LZTFL1: variants seen among roughly 807,000 people sequenced by gnomAD.
The protein encoded by LZTFL1 is leucine zipper transcription factor-like protein 1.
Under a neutral mutation model 45.9 loss-of-function variants are expected in LZTFL1, and 25 were observed. The ratio of observed to expected loss-of-function variants is 0.54; its 90% CI spans 0.40 to 0.76. The LOEUF (loss-of-function observed/expected upper bound fraction) is 0.76. Ranked by LOEUF, LZTFL1 falls within the 30% of genes least tolerant of loss-of-function variation. The pLI is 0.00. For synonymous variants in LZTFL1, 93 were observed against 117.4 expected (o/e 0.79, Z 1.35); for missense variants, 277 against 331.1 (o/e 0.84, Z 1.27).
chr3:45,877,727 T>G (rs1410711137), intron 2 of LZTFL1, among the ~76,000 whole-genome samples: 1 of 151,602 alleles, frequency 6.6e-6, no homozygotes, highest in Non-Finnish European at 1.5e-5. Flanking sequence ...AAGCATAATT[T>G]ATTTCATTTA....
At chr3:45,906,936 T>C (rs544753035) in intron 2 of LZTFL1, among the ~76,000 whole-genome samples, 2 of 152,210 alleles carry the variant, frequency 1.3e-5, no homozygotes, top group Non-Finnish European at 2.9e-5. Flanking sequence ...ATAAATTTCC[T>C]GGGCCTGGTA....
At chr3:45,863,373 A>G (rs1701524540) in intron 2 of LZTFL1, among the ~76,000 whole-genome samples, 3 of 152,266 alleles carry the variant, frequency 2.0e-5, no homozygotes, top group South Asian at 2.1e-4. Context: ...AGGACTATCA[A>G]CCTGTGCTTG....
chr3:45,868,597 G>A (rs1350000035), intron 2 of LZTFL1, among the ~76,000 whole-genome samples: 1 of 152,190 alleles, frequency 6.6e-6, no homozygotes, highest in East Asian at 1.9e-4. Context: ...TCATTTTATA[G>A]TTAAGAAAAG....
intron 2 of LZTFL1, among the ~76,000 whole-genome samples, chr3:45,884,571 C>T (rs77039149): frequency 8.7e-4 from 133 of 152,280 alleles, no homozygotes; most frequent in African/African-American, 2.9e-3. Flanking sequence ...ACCCCTTCTC[C>T]TCTTCCCTGA....
exon 4 of LZTFL1, chr3:45,855,017 T>C (rs1201116501): frequency 1.3e-6 from 2 of 1,535,488 alleles, no homozygotes; most frequent in Non-Finnish European, 1.7e-6. Flanking sequence ...GCCCAGCTTC[T>C]TGGAAAAGTC....
At chr3:45,851,496 A>G (rs896692325) in intron 4 of LZTFL1, among the ~76,000 whole-genome samples, 2 of 151,820 alleles carry the variant, frequency 1.3e-5, no homozygotes, top group African/African-American at 4.8e-5. Flanking sequence ...AAGTGCTGGG[A>G]TTAGAAGAGT....
chr3:45,912,087 G>T (rs1342497571), intron 2 of LZTFL1, among the ~76,000 whole-genome samples: 1 of 152,210 alleles, frequency 6.6e-6, no homozygotes, highest in Admixed American at 6.5e-5. Context: ...AATAGTGTTC[G>T]TCACATAGTC....
At chr3:45,897,954 A>T (rs1338544231) in intron 2 of LZTFL1, among the ~76,000 whole-genome samples, 2 of 135,540 alleles carry the variant, frequency 1.5e-5, no homozygotes, top group Non-Finnish European at 3.1e-5. Flanking sequence ...CTCATGTGAG[A>T]GTCTATTAAA....
chr3:45,856,026 G>C (rs1457988823), intron 3 of LZTFL1, among the ~76,000 whole-genome samples: 2 of 152,010 alleles, frequency 1.3e-5, no homozygotes, highest in Non-Finnish European at 2.9e-5. Context: ...CAATTGACAT[G>C]CTTCACAGAA....
At chr3:45,830,655 A>T (rs1208824306) in intron 7 of LZTFL1, among the ~76,000 whole-genome samples, 2 of 151,850 alleles carry the variant, frequency 1.3e-5, no homozygotes, top group Middle Eastern at 6.8e-3. Context: ...AAATGTGAGA[A>T]TATCTTGCAT....
chr3:45,913,229 T>A, intron 1 of LZTFL1: 1 of 1,298,720 alleles, frequency 7.7e-7, no homozygotes, highest in Non-Finnish European at 1.1e-6. Context: ...TTGTTACTAT[T>A]AACAAACCAG....
At position 45,890,306 on chromosome 3, in the gene LZTFL1, TATATATATATTTATATAA is replaced by T. The variant is rs1702122798; in HGVS notation, c.-215+22796_-215+22813del. On this transcript the variant is annotated intron_variant, in intron 2 of 4. Transcript: ENST00000472635. ...TATTTATATAAATATATATATAACA[TATATATATATTTATATAA>T]ATATATATATAACATATATATATAA... Among the ~76,000 whole-genome samples the T allele has an allele frequency of 1.3e-4, 2 of 15,468 alleles. 1 individual carries two copies. The highest frequency in any genetic ancestry group is 2.0e-4 in the Non-Finnish European group (2 of 10,234). The allele number at this position is 15,468 out of a possible 152,430, so 10.1% of individuals were successfully genotyped here.
chr3:45,847,173 C>T (rs1440053614), intron 4 of LZTFL1, among the ~76,000 whole-genome samples: 3 of 152,210 alleles, frequency 2.0e-5, no homozygotes, highest in Non-Finnish European at 4.4e-5. Context: ...CCTTGAAACC[C>T]TTTGCCCCTG....
intron 2 of LZTFL1, among the ~76,000 whole-genome samples, chr3:45,907,288 G>A (rs1184479856): frequency 6.6e-6 from 1 of 152,194 alleles, no homozygotes; most frequent in Non-Finnish European, 1.5e-5. Context: ...CACCCTCCAG[G>A]CTTTCCTGAA....
Position 45,891,995 on chromosome 3 carries a change from A to G in LZTFL1, c.-215+21125T>C, listed in dbSNP as rs888789491. On this transcript the variant is annotated intron_variant, in intron 2 of 4. Transcript: ENST00000472635. Reference sequence around the variant, plus strand: ...TTGGTGGTATGGGGTTTGAAGACCAACTTAGCTGGTCTTCAAATCCAACAC... The same window carrying G: ...TTGGTGGTATGGGGTTTGAAGACCAGCTTAGCTGGTCTTCAAATCCAACAC... Among the ~76,000 whole-genome samples the G allele has an allele frequency of 3.3e-5, 5 of 152,144 alleles. No homozygotes were observed. The South Asian group carries it at 6.2e-4, about 19-fold the overall frequency.
chr3:45,848,685 G>C (rs548958663), intron 4 of LZTFL1, among the ~76,000 whole-genome samples: 1 of 152,226 alleles, frequency 6.6e-6, no homozygotes, highest in East Asian at 1.9e-4. Flanking sequence ...ATTTAATACT[G>C]CATCTTTATG....
chr3:45,898,758 A>G (rs150293488), intron 2 of LZTFL1, among the ~76,000 whole-genome samples: 75 of 152,340 alleles, frequency 4.9e-4, no homozygotes, highest in African/African-American at 1.8e-3. Context: ...CCCTCCACAA[A>G]CACACACACA....
intron 2 of LZTFL1, among the ~76,000 whole-genome samples, chr3:45,860,501 G>T (rs529713005): frequency 8.6e-5 from 13 of 151,780 alleles, no homozygotes; most frequent in Admixed American, 2.0e-4. Context: ...GGTGAAAGTA[G>T]TAACACCAGC....
At chr3:45,883,273 G>C (rs1013750922) in intron 2 of LZTFL1, among the ~76,000 whole-genome samples, 2 of 152,196 alleles carry the variant, frequency 1.3e-5, no homozygotes, top group East Asian at 3.8e-4. Flanking sequence ...CCCAAGGCAA[G>C]TACAGAAGAA....
Sources: gnomAD v4.1 joint callset for allele counts (sites outside exome capture counted in the v4.1 genomes callset) on GRCh38, gnomAD v4.1.1 for gene constraint, MANE v1.5 for transcripts, NCBI Gene and HGNC (gene_info 2026-07-23, HGNC 2026-07-21) for gene names.